IGSF1: variants seen among roughly 807,000 people sequenced by gnomAD.
IGSF1 encodes immunoglobulin-like domain-containing protein 1.
A neutral mutation model predicts 95.3 loss-of-function variants in IGSF1; 40 were observed. The ratio of observed to expected loss-of-function variants is 0.42; its 90% confidence interval spans 0.33 to 0.55. IGSF1 has a LOEUF of 0.55. Among genes scored for constraint, IGSF1 ranks in the 20% least tolerant of loss-of-function variants. IGSF1 has a pLI of 0.10. For missense variants in IGSF1, 906 were observed against 1,025.4 expected, an observed-to-expected ratio of 0.88 and a Z score of 1.59; for synonymous variants, 372 against 382.9, an observed-to-expected ratio of 0.97 and a Z score of 0.33.
Position 131,277,241 on chromosome X carries a change from A to C in IGSF1, c.2321-15T>G. On this transcript the variant is annotated splice_polypyrimidine_tract_variant and intron_variant, in intron 13 of 19. Coordinates refer to ENST00000361420, the MANE Select transcript of IGSF1 (RefSeq NM_001555.5). The stretch of plus-strand genomic sequence containing the variant: ...AGGGTACATTTCTAGAAGGCAAAAA[A>C]CAAAAACAAAAACAAAAAACAAAAT... The C allele has an allele frequency of 2.3e-5, 26 of 1,135,683 alleles. No homozygotes were observed. Among genetic ancestry groups the C allele is most frequent in the Non-Finnish European group, 3.0e-5 (26 of 854,038 alleles). The allele number at this position is 1,135,683 out of a possible 1,213,427, so 93.6% of individuals were successfully genotyped here.
chrX:131,278,577 C>G lies in IGSF1; in HGVS notation c.1925G>C (p.Arg642Pro). The G allele has an allele frequency of 8.3e-7, 1 of 1,211,652 alleles. No homozygotes were observed. Among genetic ancestry groups the G allele is most frequent in the Non-Finnish European group, 1.1e-6 (1 of 895,239 alleles). Residue 642 changes from arginine (R) to proline (P), a missense_variant, in exon 12 of 20, where the codon CGG becomes CCG. Coordinates refer to ENST00000361420, the MANE Select transcript of IGSF1 (RefSeq NM_001555.5). ...CAGGGCGCCAAGGGGGAAGGCAGCCCGGACCTGCTCTGAGGCCGGGCGAGT... is the reference window on the plus strand; with the variant it reads ...CAGGGCGCCAAGGGGGAAGGCAGCCGGGACCTGCTCTGAGGCCGGGCGAGT... ...IATRPASEQV[R>P]AAFPLGALTQ... is the part of the protein sequence containing the mutation.
At position 131,281,346 on chromosome X, in the gene IGSF1, C is replaced by T; in HGVS notation, c.1526-8G>A. ...AATTCCAGGTGAGATAGCCTGTGGCCAGAGAAGACCAGAATCAGAGGCCTT... is the reference window on the plus strand; with the variant it reads ...AATTCCAGGTGAGATAGCCTGTGGCTAGAGAAGACCAGAATCAGAGGCCTT... On this transcript the variant is annotated splice_region_variant and splice_polypyrimidine_tract_variant and intron_variant, in intron 8 of 19. Coordinates refer to ENST00000361420, the MANE Select transcript of IGSF1 (RefSeq NM_001555.5). 1 of 1,210,639 alleles carries T rather than the reference C, an allele frequency of 8.3e-7. No homozygotes were observed. Among genetic ancestry groups the T allele is most frequent in the South Asian group, 1.8e-5 (1 of 56,860 alleles).
intron 18 of IGSF1, 43 bp downstream of exon 18, chrX:131,274,556 C>T: frequency 8.6e-7 from 1 of 1,168,955 alleles, no homozygotes; most frequent in Non-Finnish European, 1.2e-6. Flanking sequence ...CCCTGGGATC[C>T]CAGGTGTGTC....
At chrX:131,282,393 A>G (rs769589675) in intron 7 of IGSF1, 51 bp downstream of exon 7, 13 of 1,063,537 alleles carry the variant, frequency 1.2e-5, no homozygotes, top group Non-Finnish European at 1.7e-5. Flanking sequence ...CAACACCACA[A>G]TGATGATAAA....
chrX:131,279,545 A>G (rs1438834365), intron 9 of IGSF1, among the ~76,000 whole-genome samples: 1 of 109,932 alleles, frequency 9.1e-6, no homozygotes, highest in Non-Finnish European at 1.9e-5. Flanking sequence ...CTCTTTCATG[A>G]CCCACGTGTC....
Position 131,275,580 on chromosome X carries a change from T to C in IGSF1, c.3082A>G (p.Ile1028Val). The C allele has an allele frequency of 8.3e-7, 1 of 1,209,943 alleles. No homozygotes were observed. The highest frequency in any genetic ancestry group is 1.1e-6 in the Non-Finnish European group (1 of 894,027). ...TAACGCCCCATGCTAGTACCAGATATATTGGTGATGGGGAATGCCCCGTCA... is the reference window on the plus strand; with the variant it reads ...TAACGCCCCATGCTAGTACCAGATACATTGGTGATGGGGAATGCCCCGTCA... ...SNDGAFPITN[I>V]SGTSMGRYSC... is the part of the protein sequence containing the mutation. The change falls in exon 16 of 20, where the codon ATA becomes GTA. Residue 1028 changes from isoleucine (I) to valine (V), a missense_variant. Physicochemically the swap from Ile to Val is conservative, Grantham distance 29. Transcript: ENST00000361420.
In IGSF1 at chrX:131,281,214, T is replaced by C. The variant is rs768330896; in HGVS notation, c.1646+4A>G. ...GGAACAGGGGGCTGGGACAAGACAG[T>C]TACCTGATTCTGAGTCTCCGACACT... On this transcript the variant is annotated splice_donor_region_variant and intron_variant, in intron 9 of 19. Transcript: ENST00000361420. The C allele has an allele frequency of 1.7e-5, 21 of 1,208,958 alleles. No individual in the cohort carries two copies. The highest frequency in any genetic ancestry group is 2.3e-5 in the Non-Finnish European group (21 of 894,593).
intron 4 of IGSF1, 71 bp downstream of exon 4, chrX:131,285,696 A>G: frequency 2.8e-6 from 3 of 1,063,765 alleles, no homozygotes; most frequent in Non-Finnish European, 3.8e-6. Flanking sequence ...TTGTGAAACA[A>G]ACTCTCCCCT....
chrX:131,275,925 A>T, intron 15 of IGSF1, 36 bp downstream of exon 15: 1 of 1,194,798 alleles, frequency 8.4e-7, no homozygotes, highest in Non-Finnish European at 1.1e-6. Context: ...TTCTCCAATG[A>T]TCTCCATCCC....
At position 131,275,231 on chromosome X, in the gene IGSF1, G is replaced by A. The variant is rs7879617; in HGVS notation, c.3240C>T (p.Gly1080=). The change falls in exon 17 of 20, where the codon GGC becomes GGT. Residue 1080 remains glycine, a synonymous_variant. Transcript: ENST00000361420. ...CTTGACACTGAAGAGTCATATTTTC[G>A]CCAGGGGCCACCATGGGACCAGGCT... ...LAQPGPMVAP[G]ENMTLQCQGE... is the part of the protein sequence containing the mutation. 2.6e-5 allele frequency: 31 copies of A among 1,209,141 alleles called. No homozygotes were observed. The highest frequency in any genetic ancestry group is 8.9e-5 in the East Asian group (3 of 33,736).
At chrX:131,274,507 C>T in intron 18 of IGSF1, 92 bp downstream of exon 18, 1 of 980,643 alleles carries the variant, frequency 1.0e-6, no homozygotes, top group Non-Finnish European at 1.4e-6. Context: ...TCCAAAGCTC[C>T]TCCATTCTCC....
Position 131,273,780 on chromosome X carries a change from G to A in IGSF1, c.*16C>T, listed in dbSNP as rs1235170389. On this transcript the variant is annotated 3_prime_UTR_variant, in exon 20 of 20. Coordinates refer to ENST00000361420, the MANE Select transcript of IGSF1 (RefSeq NM_001555.5). Reference sequence around the variant, plus strand: ...CAAGAGAGAGGAGAGGAAAGCTCTTGTAAAGGAGGAGATTATTATATTGGA... The same window carrying A: ...CAAGAGAGAGGAGAGGAAAGCTCTTATAAAGGAGGAGATTATTATATTGGA... 1 of 1,200,214 alleles carries A rather than the reference G, an allele frequency of 8.3e-7. No individual in the cohort carries two copies. The highest frequency in any genetic ancestry group is 1.7e-5 in the African/African-American group (1 of 57,455).
intron 9 of IGSF1, among the ~76,000 whole-genome samples, chrX:131,280,369 A>C (rs2080539257): frequency 9.0e-6 from 1 of 111,426 alleles, no homozygotes; most frequent in Non-Finnish European, 1.9e-5. Context: ...CATAATCATA[A>C]TCCATTGTGC....
intron 9 of IGSF1, 23 bp from the exon 10 acceptor site, chrX:131,279,364 G>C (rs748263369): frequency 8.5e-7 from 1 of 1,174,921 alleles, no homozygotes; most frequent in Non-Finnish European, 1.2e-6. Context: ...GAAAAGAGAT[G>C]AGAGGAGTTG....
In IGSF1 at chrX:131,281,689, G is replaced by A. The variant is rs1249853563; in HGVS notation, c.1502C>T (p.Pro501Leu). The A allele has an allele frequency of 8.3e-7, 1 of 1,210,610 alleles. No individual in the cohort carries two copies. The highest frequency in any genetic ancestry group is 2.2e-5 in the Admixed American group (1 of 45,991). The stretch of plus-strand genomic sequence containing the variant: ...ACCTGCTGGCCCCATCAGCTTCAGG[G>A]GCTCACTGCGATGTGACCAGATGTT... The part of the protein sequence containing the change: ...HPNIWSHRSE[P>L]LKLMGPAGYL... Residue 501 changes from proline to leucine, a missense_variant, in exon 8 of 20, where the codon CCC becomes CTC. Transcript: ENST00000361420.
At chrX:131,284,573 G>T in intron 5 of IGSF1, 2 of 751,545 alleles carry the variant, frequency 2.7e-6, no homozygotes, top group Non-Finnish European at 3.1e-6. Context: ...GGGAGTTCGG[G>T]CTGGGACATG....
intron 13 of IGSF1, 126 bp downstream of exon 13, chrX:131,277,730 C>T: frequency 1.3e-6 from 1 of 774,985 alleles, no homozygotes; most frequent in Non-Finnish European, 1.9e-6. Context: ...CTGCCTGGCT[C>T]TAAGATTGGA....
In IGSF1 at chrX:131,273,951, T is replaced by C. The variant is rs1426455574; in HGVS notation, c.3876-20A>G. On this transcript the variant is annotated intron_variant, in intron 19 of 19. Transcript: ENST00000361420. Reference sequence around the variant, plus strand: ...GAGCCTCTATGTAAAGAAAAAGACATGAGTAAGGGAGGACCCAGAAACTGA... The same window carrying C: ...GAGCCTCTATGTAAAGAAAAAGACACGAGTAAGGGAGGACCCAGAAACTGA... The C allele has an allele frequency of 1.7e-6, 2 of 1,205,641 alleles. No homozygotes were observed. Among genetic ancestry groups the C allele is most frequent in the Non-Finnish European group, 1.1e-6 (1 of 891,958 alleles).
intron 3 of IGSF1, 56 bp downstream of exon 3, chrX:131,286,381 G>T (rs191342995): frequency 9.9e-7 from 1 of 1,015,097 alleles, no homozygotes; most frequent in Non-Finnish European, 1.4e-6. Flanking sequence ...ATGGAGACAC[G>T]CCAGCATCTT....
Sources: allele counts gnomAD v4.1 joint callset (sites outside exome capture counted in the v4.1 genomes callset), GRCh38; gene constraint gnomAD v4.1.1; transcripts MANE v1.5; gene names NCBI Gene and HGNC (gene_info 2026-07-23, HGNC 2026-07-21).